Variants in PCDH11X observed in about 807,000 individuals in gnomAD.
PCDH11X encodes protocadherin 11 X-linked, also known as protocadherin-11 X-linked.
In PCDH11X, 18 loss-of-function variants were observed where a neutral mutation model predicts 53.3. That is an observed-to-expected ratio of 0.34 (90% confidence interval 0.23 to 0.50). PCDH11X has a LOEUF of 0.50. Among genes scored for constraint, PCDH11X ranks in the 20% least tolerant of loss-of-function variants. The pLI is 0.98. For missense variants in PCDH11X, 570 were observed against 1,032.4 expected (o/e 0.55, Z 6.14); for synonymous variants, 279 against 393.3 (o/e 0.71, Z 3.44).
intron 4 of PCDH11X, among the ~76,000 whole-genome samples, chrX:91,834,260 C>A (rs185174251): frequency 2.7e-5 from 3 of 110,562 alleles, no homozygotes; most frequent in Non-Finnish European, 5.7e-5. Context: ...TTGAGAATTA[C>A]GAAAGGAAAC....
At chrX:92,565,660 G>A (rs1921381180) in intron 10 of PCDH11X, among the ~76,000 whole-genome samples, 1 of 104,898 alleles carries the variant, frequency 9.5e-6, no homozygotes, top group East Asian at 2.9e-4. Context: ...GGTTTGGGGG[G>A]AATGCTGGGA....
chrX:91,820,830 A>G (rs1226561892), intron 4 of PCDH11X, among the ~76,000 whole-genome samples: 1 of 101,590 alleles, frequency 9.8e-6, no homozygotes, highest in Non-Finnish European at 1.9e-5. Flanking sequence ...TCTTTAATCC[A>G]TCTTGAATTG....
intron 7 of PCDH11X, among the ~76,000 whole-genome samples, chrX:92,246,741 G>A (rs1043922036): frequency 3.6e-5 from 4 of 111,299 alleles, no homozygotes; most frequent in Non-Finnish European, 7.5e-5. Context: ...TGTAAAAGTA[G>A]GATATTTACT....
At position 92,408,748 on chromosome X, in the gene PCDH11X, A is replaced by G. The variant is rs188317524; in HGVS notation, c.3343+20815A>G. ...CAGGTGCCTGCCACCATGCCGGGCT[A>G]ATTTTTTGTGTTTTTAGTAAAGACG... On this transcript the variant is annotated intron_variant, in intron 9 of 10. Transcript: ENST00000682573. Among the ~76,000 whole-genome samples, 515 of 109,419 alleles carry G rather than the reference A, an allele frequency of 4.7e-3. 11 individuals carry two copies. The Admixed American group carries it at 0.048, about 10-fold the overall frequency.
intron 8 of PCDH11X, 101 bp from the exon 9 acceptor site, chrX:92,387,634 G>T (rs1477392691): frequency 4.3e-5 from 51 of 1,192,120 alleles, no homozygotes; most frequent in Non-Finnish European, 5.4e-5. Flanking sequence ...ATGTTAATGT[G>T]TCTTCACCAG....
chrX:92,264,930 A>T (rs2067794392), intron 8 of PCDH11X, among the ~76,000 whole-genome samples: 1 of 103,067 alleles, frequency 9.7e-6, no homozygotes, highest in Non-Finnish European at 2.0e-5. Context: ...AGACATAGAG[A>T]GAGACTTTGT....
intron 6 of PCDH11X, among the ~76,000 whole-genome samples, chrX:91,941,898 T>C (rs1282874584): frequency 9.0e-6 from 1 of 110,763 alleles, no homozygotes; most frequent in African/African-American, 3.3e-5. Context: ...ATAAGGGAAA[T>C]ATACCTGGAA....
intron 6 of PCDH11X, among the ~76,000 whole-genome samples, chrX:92,176,110 T>C (rs186066614): frequency 3.1e-3 from 346 of 110,923 alleles, no homozygotes; most frequent in Non-Finnish European, 5.0e-3. Flanking sequence ...TGAAGCAGAG[T>C]GAACGAGAGC....
chrX:92,611,892 A>T (rs1302090696), intron 10 of PCDH11X, among the ~76,000 whole-genome samples: 1 of 105,065 alleles, frequency 9.5e-6, no homozygotes, highest in Non-Finnish European at 2.0e-5. Flanking sequence ...ATTGATTTGC[A>T]TATGCTGTAC....
intron 10 of PCDH11X, among the ~76,000 whole-genome samples, chrX:92,567,722 C>T (rs1211018995): frequency 2.7e-5 from 3 of 109,723 alleles, no homozygotes; most frequent in African/African-American, 1.0e-4. Flanking sequence ...ATGGGGAATG[C>T]TTCCAGCTTT....
In PCDH11X at chrX:91,958,773, A is replaced by G. The variant is rs143271693; in HGVS notation, c.3033+79500A>G. ...ATACCGTGGACCACAGCTGCTTCTA[A>G]TTAGCCATCTTGGATCGTGTTTTTT... is the stretch of plus-strand genomic sequence containing the variant. On this transcript the variant is annotated intron_variant, in intron 6 of 10. Coordinates refer to ENST00000682573, the MANE Select transcript of PCDH11X (RefSeq NM_032968.5). 9.0e-5 allele frequency among the ~76,000 whole-genome samples: 10 copies of G among 110,627 alleles called. No individual in the cohort carries two copies. In the East Asian group the frequency reaches 2.9e-3, roughly 32 times the overall value.
At chrX:92,425,251 C>A (rs760012808) in intron 9 of PCDH11X, among the ~76,000 whole-genome samples, 199 of 110,574 alleles carry the variant, frequency 1.8e-3, no homozygotes, top group Middle Eastern at 9.3e-3. Flanking sequence ...AAGAAGGAGA[C>A]TACTTAGAAA....
intron 6 of PCDH11X, among the ~76,000 whole-genome samples, chrX:92,172,074 C>T (rs1226930425): frequency 9.4e-6 from 1 of 105,883 alleles, no homozygotes; most frequent in African/African-American, 3.4e-5. Context: ...AAGATCCTGT[C>T]GTCTTCAAAT....
At chrX:92,155,479 CTTGGCA>C (rs2065512502) in intron 6 of PCDH11X, among the ~76,000 whole-genome samples, 1 of 80,703 alleles carries the variant, frequency 1.2e-5, no homozygotes, top group Non-Finnish European at 2.3e-5. Flanking sequence ...GGCCAAAAAC[CTTGGCA>C]TTGTCTTTTT....
chrX:91,901,462 A>G (rs376910354), intron 6 of PCDH11X, among the ~76,000 whole-genome samples: 71 of 111,797 alleles, frequency 6.4e-4, no homozygotes, highest in African/African-American at 2.2e-3. Context: ...GCCACCGTTC[A>G]GTGGTAGTTT....
At chrX:92,339,534 G>A (rs2069701823) in intron 8 of PCDH11X, among the ~76,000 whole-genome samples, 1 of 111,340 alleles carries the variant, frequency 9.0e-6, no homozygotes, top group Admixed American at 9.5e-5. Context: ...CACCTTCTGG[G>A]GAGTCCTCAG....
intron 9 of PCDH11X, among the ~76,000 whole-genome samples, chrX:92,436,470 C>A (rs2072377029): frequency 8.9e-6 from 1 of 111,902 alleles, no homozygotes; most frequent in Admixed American, 9.5e-5. Context: ...AATCCCATTA[C>A]TGGGTGTATA....
intron 8 of PCDH11X, among the ~76,000 whole-genome samples, chrX:92,383,896 G>A (rs201357748): frequency 9.0e-6 from 1 of 111,640 alleles, no homozygotes; most frequent in South Asian, 3.8e-4. Context: ...TTGAGGAATC[G>A]CCACACTGTC....
intron 10 of PCDH11X, among the ~76,000 whole-genome samples, chrX:92,547,180 T>C (rs1298782052): frequency 1.8e-5 from 2 of 108,547 alleles, no homozygotes; most frequent in Non-Finnish European, 3.8e-5. Flanking sequence ...ACTCTTTCTG[T>C]GAATTTAAGC....
Sources: allele counts gnomAD v4.1 joint callset (sites outside exome capture counted in the v4.1 genomes callset), GRCh38; gene constraint gnomAD v4.1.1; transcripts MANE v1.5; gene names NCBI Gene and HGNC (gene_info 2026-07-23, HGNC 2026-07-21).